Variants in NID2 observed in about 807,000 individuals in gnomAD.
NID2 encodes the protein nidogen-2.
Under a neutral mutation model 145.4 loss-of-function variants are expected in NID2, and 83 were observed. The ratio of observed to expected loss-of-function variants is 0.57; its 90% CI spans 0.48 to 0.69. NID2 has a LOEUF of 0.69. NID2 is among the 30% of genes least tolerant of loss of function. NID2 has a pLI of 0.00. For synonymous variants in NID2, 739 were observed against 701.3 expected, an observed-to-expected ratio of 1.05 and a Z score of -0.85; for missense variants, 1,807 against 1,765.7, an observed-to-expected ratio of 1.02 and a Z score of -0.42.
intron 5 of NID2, among the ~76,000 whole-genome samples, chr14:52,046,105 C>T (rs1240758426): frequency 5.9e-5 from 9 of 152,200 alleles, no homozygotes; most frequent in Admixed American, 3.9e-4. Flanking sequence ...AGGCGGATCA[C>T]GAGGTCAGGA....
intron 7 of NID2, among the ~76,000 whole-genome samples, chr14:52,041,397 C>T (rs1246398519): frequency 6.6e-6 from 1 of 152,160 alleles, no homozygotes; most frequent in Admixed American, 6.5e-5. Flanking sequence ...AGCTACCGAG[C>T]TCTGCAGTTA....
Position 52,015,174 on chromosome 14 carries a change from C to A in NID2, c.3130G>T (p.Asp1044Tyr), listed in dbSNP as rs766009521. The A allele has an allele frequency of 8.7e-6, 14 of 1,613,892 alleles. No homozygotes were observed. Among genetic ancestry groups the A allele is most frequent in the Non-Finnish European group, 1.2e-5 (14 of 1,179,984 alleles). Residue 1044 changes from aspartate to tyrosine, a missense_variant, in exon 15 of 22, where the codon GAT becomes TAT. Coordinates refer to ENST00000216286, the MANE Select transcript of NID2 (RefSeq NM_007361.4). ...AGGGGGATGAAGTGGCCCAGGTCAT[C>A]GCACTGGGGCACGTACTGGTCATCC... is the stretch of plus-strand genomic sequence containing the variant. ...PRDDQYVPQC[D>Y]DLGHFIPLQC...
chr14:52,048,336 A>C (rs529128440), intron 5 of NID2, among the ~76,000 whole-genome samples: 1 of 152,302 alleles, frequency 6.6e-6, no homozygotes, highest in African/African-American at 2.4e-5. Context: ...AACGGTGCTG[A>C]GCCCACGTGC....
At position 52,062,524 on chromosome 14, in the gene NID2, A is replaced by C. The variant is rs139188043; in HGVS notation, c.535-2168T>G. On this transcript the variant is annotated intron_variant, in intron 2 of 21. Transcript: ENST00000216286. ...CTCAATAACTTCAGAGTTATACATT[A>C]GTCAGAATAAAGAAAAATCAACTAG... Among the ~76,000 whole-genome samples, 386 of 152,378 alleles carry C rather than the reference A, an allele frequency of 2.5e-3. 3 individuals are homozygous for C. Among genetic ancestry groups the C allele is most frequent in the African/African-American group, 8.8e-3 (366 of 41,580 alleles).
intron 9 of NID2, among the ~76,000 whole-genome samples, chr14:52,032,823 C>T (rs1891917046): frequency 9.9e-6 from 1 of 100,872 alleles, no homozygotes; most frequent in Non-Finnish European, 2.0e-5. Flanking sequence ...AAAATCTCAG[C>T]TCAAAAGTTG....
chr14:52,014,456 C>T lies in NID2; in HGVS notation c.3251G>A (p.Cys1084Tyr), dbSNP rs764534768. Residue 1084 changes from cysteine to tyrosine, a missense_variant and splice_region_variant, in exon 16 of 22, where the codon TGT becomes TAT. Cys to Tyr is a radical substitution (Grantham distance 194). Transcript: ENST00000216286. Reference sequence around the variant, plus strand: ...CATGGGTGGAGCGACGGTGGGTATACCTGTGGGAGAGAGGGTGGGAGAGCA... The same window carrying T: ...CATGGGTGGAGCGACGGTGGGTATATCTGTGGGAGAGAGGGTGGGAGAGCA... ...TRSQPGTTPA[C>Y]IPTVAPPMVR... is the part of the protein sequence containing the mutation. 7.5e-6 allele frequency: 12 copies of T among 1,605,260 alleles called. No individual in the cohort carries two copies. The highest frequency in any genetic ancestry group is 9.4e-6 in the Non-Finnish European group (11 of 1,175,222).
In NID2 at chr14:52,005,813, C is replaced by T. The variant is rs1890754294; in HGVS notation, c.4041G>A (p.Gln1347=). The T allele has an allele frequency of 6.2e-7, 1 of 1,613,734 alleles. No homozygotes were observed. Among genetic ancestry groups the T allele is most frequent in the Non-Finnish European group, 8.5e-7 (1 of 1,179,646 alleles). Residue 1347 remains glutamine (Q), a synonymous_variant, in exon 21 of 22, where the codon CAG becomes CAA. Transcript: ENST00000216286. ...GVVSVNKHSG[Q]FTDEYLPEQR... is the part of the protein sequence containing the mutation. ...GTTCTGGGAGATACTCATCAGTAAA[C>T]TGGCCACTATGTTTATTTACTGATA... is the stretch of plus-strand genomic sequence containing the variant.
chr14:52,053,710 A>G lies in NID2; in HGVS notation c.1298T>C (p.Met433Thr). ...TTCAGGATGAGCTGGGGGAACATCC[A>G]TTTCCGAAGGCACTGGCCCTCCATC... ...YPDGGPVPSE[M>T]DVPPAHPEEE... The change falls in exon 5 of 22, where the codon ATG becomes ACG. Residue 433 changes from methionine to threonine, a missense_variant. By Grantham distance (81) the Met-to-Thr change is moderately conservative. Transcript: ENST00000216286. 6.2e-7 allele frequency: 1 copy of G among 1,614,180 alleles called. No homozygotes were observed. The highest frequency in any genetic ancestry group is 2.2e-5 in the East Asian group (1 of 44,882).
chr14:52,037,734 G>T (rs1030994621), intron 9 of NID2, among the ~76,000 whole-genome samples: 1 of 152,160 alleles, frequency 6.6e-6, no homozygotes, highest in Middle Eastern at 3.2e-3. Flanking sequence ...AGATCAATTT[G>T]GGAAGTATTC....
intron 5 of NID2, among the ~76,000 whole-genome samples, chr14:52,046,413 A>G (rs1162134484): frequency 1.3e-5 from 2 of 152,032 alleles, no homozygotes; most frequent in Non-Finnish European, 2.9e-5. Flanking sequence ...AATTAAGGAA[A>G]TAACAGGCTT....
chr14:52,047,277 TG>T (rs1892534010), intron 5 of NID2, among the ~76,000 whole-genome samples: 1 of 152,102 alleles, frequency 6.6e-6, no homozygotes, highest in Non-Finnish European at 1.5e-5. Flanking sequence ...CAGGTGTACA[TG>T]GCTCTTTTTA....
intron 5 of NID2, among the ~76,000 whole-genome samples, chr14:52,043,403 G>T (rs965422465): frequency 6.6e-6 from 1 of 152,166 alleles, no homozygotes; most frequent in Admixed American, 6.5e-5. Flanking sequence ...ATAATAGCTG[G>T]TCTCGCTACC....
intron 19 of NID2, 183 bp downstream of exon 19, chr14:52,007,627 C>A: frequency 1.6e-6 from 1 of 621,602 alleles, no homozygotes; most frequent in Non-Finnish European, 2.8e-6. Flanking sequence ...TTCCCTCCAC[C>A]CAAACCCCAG....
intron 18 of NID2, 85 bp downstream of exon 18, chr14:52,010,791 T>A: frequency 7.3e-7 from 1 of 1,372,346 alleles, no homozygotes; most frequent in Non-Finnish European, 1.0e-6. Flanking sequence ...TCTCTTGTTC[T>A]GACCTTCCCC....
chr14:52,028,687 T>A lies in NID2; in HGVS notation c.2530+35A>T, dbSNP rs1891685402. 4 of 1,606,676 alleles carry A rather than the reference T, an allele frequency of 2.5e-6. No homozygotes were observed. In the East Asian group the frequency reaches 9.0e-5, roughly 36 times the overall value. On this transcript the variant is annotated intron_variant, in intron 11 of 21. Coordinates refer to ENST00000216286, the MANE Select transcript of NID2 (RefSeq NM_007361.4). Reference sequence around the variant, plus strand: ...TAAAGAGCAAGATTAAAGAGCACCATTTTGGCCACACAGGAAAATGATTTT... The same window carrying A: ...TAAAGAGCAAGATTAAAGAGCACCAATTTGGCCACACAGGAAAATGATTTT...
At chr14:52,060,396 G>C in intron 2 of NID2, 40 bp from the exon 3 acceptor site, 3 of 1,063,682 alleles carry the variant, frequency 2.8e-6, no homozygotes, top group Non-Finnish European at 3.9e-6. Flanking sequence ...GAGAGAGAGA[G>C]AAACATCCTG....
chr14:52,057,677 T>G (rs1892896569), intron 3 of NID2, among the ~76,000 whole-genome samples: 1 of 120,456 alleles, frequency 8.3e-6, no homozygotes, highest in Non-Finnish European at 1.6e-5. Context: ...CACTCCAGCC[T>G]GGGCGACAAG....
intron 16 of NID2, among the ~76,000 whole-genome samples, chr14:52,012,555 G>GC (rs1354887563): frequency 6.6e-6 from 1 of 151,742 alleles, no homozygotes; most frequent in East Asian, 2.0e-4. Flanking sequence ...CCGAGATGGT[G>GC]CCACTGCACT....
rs572283702 is a variant in NID2, at chr14:52,045,564, A to AT, written c.1430-2634_1430-2633insA. On this transcript the variant is annotated intron_variant, in intron 5 of 21. Coordinates refer to ENST00000216286, the MANE Select transcript of NID2 (RefSeq NM_007361.4). ...TAAAACTCAAGGCAGAAAAAAAAAA[A>AT]AAAAAAACCCAGGATGGATCATGGT... Among the ~76,000 whole-genome samples the AT allele has an allele frequency of 7.4e-3, 1,120 of 152,278 alleles. 11 individuals are homozygous for AT. The highest frequency in any genetic ancestry group is 0.02 in the Middle Eastern group (6 of 294).
Sources: gnomAD v4.1 joint callset for allele counts (sites outside exome capture counted in the v4.1 genomes callset) on GRCh38, gnomAD v4.1.1 for gene constraint, MANE v1.5 for transcripts, NCBI Gene and HGNC (gene_info 2026-07-23, HGNC 2026-07-21) for gene names.